The following LRRFIP1 variants were observed in gnomAD, a reference collection of about 807,000 sequenced individuals.
The protein encoded by LRRFIP1 is LRR binding FLII interacting protein 1.
A neutral mutation model predicts 104.4 loss-of-function variants in LRRFIP1; 62 were observed. That is an observed-to-expected ratio of 0.59 (90% CI 0.48 to 0.73). LRRFIP1 has a LOEUF of 0.73. Ranked by LOEUF, LRRFIP1 falls within the 30% of genes least tolerant of loss-of-function variation. LRRFIP1 has a pLI of 0.00. For synonymous variants in LRRFIP1, 300 were observed against 299.0 expected (o/e 1.00, Z -0.03); for missense variants, 796 against 824.5 (o/e 0.97, Z 0.42).
intron 1 of LRRFIP1, among the ~76,000 whole-genome samples, chr2:237,655,826 ATAAT>A (rs947673654): frequency 1.3e-5 from 2 of 152,258 alleles, no homozygotes; most frequent in African/African-American, 4.8e-5. Flanking sequence ...CTCAATGGAG[ATAAT>A]TAAAGACAAA....
At chr2:237,706,006 G>A (rs1250383314) in intron 1 of LRRFIP1, among the ~76,000 whole-genome samples, 11 of 152,250 alleles carry the variant, frequency 7.2e-5, no homozygotes, top group Admixed American at 7.2e-4. Context: ...TTTGAGCAAG[G>A]CAGTCAACTG....
chr2:237,719,601 T>A (rs757632823), intron 5 of LRRFIP1, 34 bp downstream of exon 5: 1 of 1,551,372 alleles, frequency 6.4e-7, no homozygotes, highest in Non-Finnish European at 8.9e-7. Context: ...CTTGGGCAAT[T>A]TGATTGAATT....
intron 1 of LRRFIP1, among the ~76,000 whole-genome samples, chr2:237,685,352 T>C (rs1180357746): frequency 6.6e-6 from 1 of 152,158 alleles, no homozygotes; most frequent in East Asian, 1.9e-4. Context: ...TAAAATACAT[T>C]AGAAATTATT....
chr2:237,759,683 G>C (rs2059661731), intron 18 of LRRFIP1, among the ~76,000 whole-genome samples: 1 of 152,064 alleles, frequency 6.6e-6, no homozygotes, highest in Non-Finnish European at 1.5e-5. Context: ...TTCTTTATCT[G>C]GTTTCTCTTT....
chr2:237,651,927 C>T (rs1377464123), intron 1 of LRRFIP1, among the ~76,000 whole-genome samples: 3 of 152,200 alleles, frequency 2.0e-5, no homozygotes, highest in Non-Finnish European at 4.4e-5. Flanking sequence ...CAGGCTCGGG[C>T]GCTGCCCGTG....
At chr2:237,694,840 T>G (rs1210957005) in intron 1 of LRRFIP1, among the ~76,000 whole-genome samples, 1 of 152,216 alleles carries the variant, frequency 6.6e-6, no homozygotes, top group Non-Finnish European at 1.5e-5. Context: ...TCCCTGTGTT[T>G]GCGATGGCTT....
In LRRFIP1 at chr2:237,640,270, G is replaced by C. The variant is rs1003889953; in HGVS notation, c.96+12530G>C. On this transcript the variant is annotated intron_variant, in intron 1 of 23. Coordinates refer to ENST00000308482, the MANE Select transcript of LRRFIP1 (RefSeq NM_001137550.2). ...CTGCCAATGTGATTACACTTTGCTG[G>C]CTTTGGAAGTGTGCTTGAGCTGACA... 3.9e-5 allele frequency among the ~76,000 whole-genome samples: 6 copies of C among 152,274 alleles called. No homozygotes were observed. The South Asian group carries it at 8.3e-4, about 21-fold the overall frequency.
At chr2:237,682,816 C>T (rs973505226) in intron 1 of LRRFIP1, among the ~76,000 whole-genome samples, 5 of 152,210 alleles carry the variant, frequency 3.3e-5, no homozygotes, top group Admixed American at 6.5e-5. Flanking sequence ...TGTTAGATGC[C>T]GTGTGCACAT....
chr2:237,723,732 G>A (rs915750253), intron 7 of LRRFIP1, 146 bp downstream of exon 7: 19 of 955,200 alleles, frequency 2.0e-5, no homozygotes, highest in Non-Finnish European at 3.0e-5. Context: ...GGCTTACCCT[G>A]CAGAGTGAGC....
chr2:237,727,956 TGG>T (rs1430261026), intron 8 of LRRFIP1, 21 bp downstream of exon 8: 1 of 1,566,506 alleles, frequency 6.4e-7, no homozygotes, highest in African/African-American at 1.4e-5. Context: ...TAAATTTGCA[TGG>T]CTCAAAATTC....
At chr2:237,692,117 GC>G in intron 1 of LRRFIP1, 1 of 830,762 alleles carries the variant, frequency 1.2e-6, no homozygotes, top group Non-Finnish European at 1.4e-6. Flanking sequence ...GCGGGGCGTA[GC>G]CGGGAGGGCC....
At chr2:237,776,031 C>G (rs2061065942) in intron 23 of LRRFIP1, among the ~76,000 whole-genome samples, 1 of 152,012 alleles carries the variant, frequency 6.6e-6, no homozygotes, top group South Asian at 2.1e-4. Context: ...ATGGCGCCAT[C>G]TCGGCTCACT....
chr2:237,686,739 C>T (rs572217843), intron 1 of LRRFIP1, among the ~76,000 whole-genome samples: 1 of 152,370 alleles, frequency 6.6e-6, no homozygotes, highest in Non-Finnish European at 1.5e-5. Context: ...CGCTCTTGCT[C>T]TTCTGTCCAC....
chr2:237,685,119 C>A (rs369410442), intron 1 of LRRFIP1, among the ~76,000 whole-genome samples: 17 of 79,976 alleles, frequency 2.1e-4, no homozygotes, highest in African/African-American at 6.3e-4. Flanking sequence ...CCCCCCCCCA[C>A]ACAAAAAAAC....
At chr2:237,708,153 A>G (rs2093905809) in intron 1 of LRRFIP1, among the ~76,000 whole-genome samples, 1 of 152,210 alleles carries the variant, frequency 6.6e-6, no homozygotes, top group Non-Finnish European at 1.5e-5. Context: ...AGAGCTCCAG[A>G]AGGAGGCTGA....
chr2:237,739,202 T>C (rs1342314353), intron 10 of LRRFIP1, 30 bp from the exon 11 acceptor site: 1 of 1,546,886 alleles, frequency 6.5e-7, no homozygotes, highest in South Asian at 1.2e-5. Flanking sequence ...TGTTTCTGGC[T>C]GCGTGTCCTG....
chr2:237,774,465 A>T lies in LRRFIP1; in HGVS notation c.1812+3A>T. The T allele has an allele frequency of 6.3e-7, 1 of 1,596,804 alleles. No homozygotes were observed. Among genetic ancestry groups the T allele is most frequent in the Non-Finnish European group, 8.6e-7 (1 of 1,165,270 alleles). On this transcript the variant is annotated splice_donor_region_variant and intron_variant, in intron 23 of 23. Coordinates refer to ENST00000308482, the MANE Select transcript of LRRFIP1 (RefSeq NM_001137550.2). The stretch of plus-strand genomic sequence containing the variant: ...AAAAACGGAAACTCCAAAGAGAGGT[A>T]AATTTCCTAGGCAATTTCTAGGAAG...
rs75098996 is a variant in LRRFIP1 at position 237,747,112 on chromosome 2, G to A, written c.634-1252G>A. The stretch of plus-strand genomic sequence containing the variant: ...GGAGCCAGGCCGCAGGGTTTAGCTT[G>A]GATCTGTTGAGTAGGAGACCCTTAA... On this transcript the variant is annotated intron_variant, in intron 11 of 23. Coordinates refer to ENST00000308482, the MANE Select transcript of LRRFIP1 (RefSeq NM_001137550.2). Among the ~76,000 whole-genome samples, 79 of 152,334 alleles carry A rather than the reference G, an allele frequency of 5.2e-4. 2 individuals carry two copies. In the East Asian group the frequency reaches 0.015, roughly 29 times the overall value.
chr2:237,654,231 C>A (rs763240482), intron 1 of LRRFIP1, among the ~76,000 whole-genome samples: 15 of 152,048 alleles, frequency 9.9e-5, no homozygotes, highest in Non-Finnish European at 1.6e-4. Context: ...AGAAGACATA[C>A]AAATGGCCAA....
Sources: gnomAD v4.1 joint callset for allele counts (sites outside exome capture counted in the v4.1 genomes callset) on GRCh38, gnomAD v4.1.1 for gene constraint, MANE v1.5 for transcripts, NCBI Gene and HGNC (gene_info 2026-07-23, HGNC 2026-07-21) for gene names.